TMEM30A: variants seen among roughly 807,000 people sequenced by gnomAD.
TMEM30A encodes the protein cell cycle control protein 50A.
Under a neutral mutation model 38.2 loss-of-function variants are expected in TMEM30A, and 24 were observed. That is an observed-to-expected ratio of 0.63 (90% CI 0.46 to 0.88). The LOEUF is 0.88. Among genes scored for constraint, TMEM30A ranks in the 40% least tolerant of loss-of-function variants. TMEM30A has a pLI of 0.00. For missense variants in TMEM30A, 370 were observed against 458.6 expected (o/e 0.81, Z 1.77); for synonymous variants, 145 against 161.6 (o/e 0.90, Z 0.78).
intron 1 of TMEM30A, among the ~76,000 whole-genome samples, chr6:75,271,165 A>G (rs1208347399): frequency 6.6e-6 from 1 of 152,180 alleles, no homozygotes; most frequent in Non-Finnish European, 1.5e-5. Flanking sequence ...ACTTATTCCC[A>G]TATTATACGC....
Position 75,284,785 on chromosome 6 carries a change from C to T in TMEM30A, c.-147G>A. 7 of 749,420 alleles carry T rather than the reference C, an allele frequency of 9.3e-6. No homozygotes were observed. The highest frequency in any genetic ancestry group is 2.8e-5 in the East Asian group (1 of 35,894). 46.4% of individuals were successfully genotyped at this position (749,420 alleles called of 1,614,324 possible). A position where few individuals can be genotyped will look rare whatever the true frequency, so the allele number is the denominator to read the frequency against. On this transcript the variant is annotated 5_prime_UTR_variant, in exon 1 of 7. Coordinates refer to ENST00000230461, the MANE Select transcript of TMEM30A (RefSeq NM_018247.4). ...CGCCACAGCCACCTCCGCTGTAGAG[C>T]GGAAGAGGCGGGACACTCTTCCGCC... is the stretch of plus-strand genomic sequence containing the variant.
intron 1 of TMEM30A, chr6:75,284,075 A>C: frequency 3.1e-6 from 1 of 318,210 alleles, no homozygotes. Context: ...AACCCCCACT[A>C]ATCCCCCACG....
chr6:75,281,996 G>A (rs1004795734), intron 1 of TMEM30A, among the ~76,000 whole-genome samples: 1 of 152,170 alleles, frequency 6.6e-6, no homozygotes, highest in Admixed American at 6.5e-5. Context: ...CTGTATGTCA[G>A]TGTCAGTAAA....
Position 75,284,720 on chromosome 6 carries a change from G to GCGCCGCTGCCGCCGCCGC in TMEM30A, c.-100_-83dup, listed in dbSNP as rs1772436977. On this transcript the variant is annotated 5_prime_UTR_variant, in exon 1 of 7. Coordinates refer to ENST00000230461, the MANE Select transcript of TMEM30A (RefSeq NM_018247.4). ...GCTGACCCTGACAGGAACCGCTCGA[G>GCGCCGCTGCCGCCGCCGC]CGCCGCTGCCGCCGCCGCCGCCGCA... 5 of 1,453,712 alleles carry GCGCCGCTGCCGCCGCCGC rather than the reference G, an allele frequency of 3.4e-6. No homozygotes were observed. The South Asian group carries it at 5.7e-5, about 17-fold the overall frequency. The allele number at this position is 1,453,712 out of a possible 1,614,324, so 90.1% of individuals were successfully genotyped here.
At chr6:75,267,851 G>T (rs1582280007) in intron 1 of TMEM30A, 103 bp from the exon 2 acceptor site, 1 of 667,132 alleles carries the variant, frequency 1.5e-6, no homozygotes, top group Non-Finnish European at 2.4e-6. Context: ...CCAATGAAAT[G>T]ACCTAGAGCT....
rs1772340120 is a variant in TMEM30A at position 75,280,580 on chromosome 6, T to C, written c.237+3822A>G. Among the ~76,000 whole-genome samples the C allele has an allele frequency of 2.0e-5, 3 of 152,118 alleles. No homozygotes were observed. In the South Asian group the frequency reaches 6.2e-4, roughly 32 times the overall value. On this transcript the variant is annotated intron_variant, in intron 1 of 6. Transcript: ENST00000230461. The stretch of plus-strand genomic sequence containing the variant: ...ATTCAAAGTTAGTGCTCTCCTATCA[T>C]CAAATCGATTACAAATGTTCATCTG...
At chr6:75,280,740 G>T (rs1772343098) in intron 1 of TMEM30A, among the ~76,000 whole-genome samples, 1 of 152,052 alleles carries the variant, frequency 6.6e-6, no homozygotes, top group Admixed American at 6.6e-5. Context: ...CAGCTTCTAA[G>T]TAACTAAAAT....
chr6:75,279,032 G>A (rs1197978961), intron 1 of TMEM30A, among the ~76,000 whole-genome samples: 1 of 150,036 alleles, frequency 6.7e-6, no homozygotes, highest in African/African-American at 2.4e-5. Flanking sequence ...CACTCACCTA[G>A]CAATGCTTAG....
intron 6 of TMEM30A, 130 bp from the exon 7 acceptor site, chr6:75,256,425 C>T (rs888417109): frequency 6.4e-6 from 4 of 621,546 alleles, no homozygotes; most frequent in African/African-American, 2.9e-5. Context: ...CTCACTCCTA[C>T]GTTCTAAATC....
rs1273112301 is a variant in TMEM30A, at chr6:75,252,940, ATATT to A, written c.*3158_*3161del. The A allele has an allele frequency of 1.3e-5, 2 of 152,116 alleles. No homozygotes were observed. The highest frequency in any genetic ancestry group is 2.9e-5 in the Non-Finnish European group (2 of 68,012). The allele number at this position is 152,116 out of a possible 1,614,324, so 9.4% of individuals were successfully genotyped here. On this transcript the variant is annotated 3_prime_UTR_variant, in exon 7 of 7. Coordinates refer to ENST00000230461, the MANE Select transcript of TMEM30A (RefSeq NM_018247.4). ...ACGGTCTGATTTGTTTTTAGACAAG[ATATT>A]TATTTTGAAGTTCCAAATGACATTA...
In TMEM30A at chr6:75,257,445, A is replaced by G. The variant is rs1308046449; in HGVS notation, c.893-1150T>C. ...CAGAATTCCTGTATGGAAATCATCT[A>G]TCAACTAAAAATTCCTCAGTGCTTC... On this transcript the variant is annotated intron_variant, in intron 6 of 6. Transcript: ENST00000230461. 1.3e-5 allele frequency among the ~76,000 whole-genome samples: 2 copies of G among 152,184 alleles called. 1 individual carries two copies. Among genetic ancestry groups the G allele is most frequent in the Admixed American group, 1.3e-4 (2 of 15,268 alleles).
At chr6:75,269,084 C>T (rs1254569176) in intron 1 of TMEM30A, among the ~76,000 whole-genome samples, 1 of 152,212 alleles carries the variant, frequency 6.6e-6, no homozygotes, top group African/African-American at 2.4e-5. Context: ...GACACACACA[C>T]ACAACTTCCC....
chr6:75,267,737 G>A lies in TMEM30A; in HGVS notation c.249C>T (p.Thr83=), dbSNP rs775152351. The change falls in exon 2 of 7, where the codon ACC becomes ACT. Residue 83 remains threonine, a synonymous_variant. Coordinates refer to ENST00000230461, the MANE Select transcript of TMEM30A (RefSeq NM_018247.4). Reference sequence around the variant, plus strand: ...TACAGGGACTGGAAGGCTCTGTTCCGGTATAATCAATCTGCAAGAGAAAAA... The same window carrying A: ...TACAGGGACTGGAAGGCTCTGTTCCAGTATAATCAATCTGCAAGAGAAAAA... ...NNIREIEIDY[T]GTEPSSPCNK... The A allele has an allele frequency of 1.3e-5, 20 of 1,594,012 alleles. No homozygotes were observed. The highest frequency in any genetic ancestry group is 1.7e-4 in the Middle Eastern group (1 of 6,034).
intron 3 of TMEM30A, among the ~76,000 whole-genome samples, chr6:75,262,983 A>G (rs240388): frequency 0.88 from 134,533 of 152,280 alleles, 59,976 homozygotes; most frequent in Non-Finnish European, 0.95. Context: ...AAAGAAAGAT[A>G]ACAGATAAGC....
At position 75,284,687 on chromosome 6, in the gene TMEM30A, G is replaced by A. The variant is rs754213946; in HGVS notation, c.-49C>T. On this transcript the variant is annotated 5_prime_UTR_variant, in exon 1 of 7. Transcript: ENST00000230461. The stretch of plus-strand genomic sequence containing the variant: ...GATTTGCAGGTGGACCACCCAGGGG[G>A]CCCGCCGGCTGACCCTGACAGGAAC... The A allele has an allele frequency of 3.4e-5, 54 of 1,588,742 alleles. No individual in the cohort carries two copies. The highest frequency in any genetic ancestry group is 2.7e-5 in the African/African-American group (2 of 74,540).
At chr6:75,284,091 A>C in intron 1 of TMEM30A, 1 of 373,026 alleles carries the variant, frequency 2.7e-6, no homozygotes, top group Non-Finnish European at 5.0e-6. Context: ...CCACGGAACC[A>C]CACAAACCGC....
At chr6:75,265,186 C>T in intron 3 of TMEM30A, 45 bp downstream of exon 3, 1 of 1,207,750 alleles carries the variant, frequency 8.3e-7, no homozygotes, top group Non-Finnish European at 1.2e-6. Context: ...ACTACATATT[C>T]TTATTTTACA....
chr6:75,262,087 C>T (rs1771974688), intron 3 of TMEM30A, among the ~76,000 whole-genome samples: 1 of 152,144 alleles, frequency 6.6e-6, no homozygotes, highest in Non-Finnish European at 1.5e-5. Flanking sequence ...TGGCTCATGC[C>T]CCTAATTTCA....
intron 1 of TMEM30A, among the ~76,000 whole-genome samples, chr6:75,274,531 A>G (rs973230840): frequency 4.6e-5 from 7 of 152,338 alleles, no homozygotes; most frequent in Admixed American, 3.9e-4. Flanking sequence ...AACTTAAACT[A>G]ATAAAGTGGC....
Sources: allele counts gnomAD v4.1 joint callset (sites outside exome capture counted in the v4.1 genomes callset), GRCh38; gene constraint gnomAD v4.1.1; transcripts MANE v1.5; gene names NCBI Gene and HGNC (gene_info 2026-07-23, HGNC 2026-07-21).